Variants in HS3ST4 observed in about 807,000 individuals in gnomAD.
HS3ST4 encodes the protein heparan sulfate-glucosamine 3-sulfotransferase 4.
In HS3ST4, 17 loss-of-function variants were observed where a neutral mutation model predicts 29.2. The ratio of observed to expected loss-of-function variants is 0.58; its 90% CI spans 0.40 to 0.87. The LOEUF (loss-of-function observed/expected upper bound fraction) is 0.87. HS3ST4 is among the 40% of genes least tolerant of loss of function. The probability of loss-of-function intolerance (pLI) is 0.00; values close to 1 mark genes in which losing one functional copy is unlikely to be tolerated. For missense variants in HS3ST4, 627 were observed against 634.5 expected, an observed-to-expected ratio of 0.99 and a Z score of 0.13; for synonymous variants, 314 against 285.7, an observed-to-expected ratio of 1.10 and a Z score of -1.00.
chr16:25,763,412 A>G (rs1966800620), intron 1 of HS3ST4, among the ~76,000 whole-genome samples: 1 of 152,338 alleles, frequency 6.6e-6, no homozygotes, highest in South Asian at 2.1e-4. Flanking sequence ...TTGCAAAAGT[A>G]AACACAAGCA....
Position 25,783,696 on chromosome 16 carries a change from A to G in HS3ST4, c.734+90545A>G, listed in dbSNP as rs957401644. On this transcript the variant is annotated intron_variant, in intron 1 of 1. Transcript: ENST00000331351. The stretch of plus-strand genomic sequence containing the variant: ...TGTTTCTGAACTTTTTTATTGTGGT[A>G]AAATATACAAAACATTAAATTTACC... Among the ~76,000 whole-genome samples the G allele has an allele frequency of 5.3e-5, 8 of 152,304 alleles. No homozygotes were observed. The South Asian group carries it at 1.2e-3, about 24-fold the overall frequency.
At chr16:26,050,641 T>G (rs1171902869) in intron 1 of HS3ST4, among the ~76,000 whole-genome samples, 2 of 152,102 alleles carry the variant, frequency 1.3e-5, no homozygotes, top group Non-Finnish European at 2.9e-5. Context: ...TCCGCACCAC[T>G]CACTAACCAG....
intron 1 of HS3ST4, among the ~76,000 whole-genome samples, chr16:26,055,766 T>A (rs997379643): frequency 6.6e-6 from 1 of 152,148 alleles, no homozygotes; most frequent in African/African-American, 2.4e-5. Flanking sequence ...TCTTAAGTGT[T>A]TTTGGGATGA....
intron 1 of HS3ST4, among the ~76,000 whole-genome samples, chr16:25,915,171 G>A (rs959163423): frequency 6.6e-6 from 1 of 152,196 alleles, no homozygotes; most frequent in Non-Finnish European, 1.5e-5. Context: ...GCTCTACGAC[G>A]TGCTTCATTC....
At chr16:25,996,790 T>C (rs1178087952) in intron 1 of HS3ST4, among the ~76,000 whole-genome samples, 1 of 152,196 alleles carries the variant, frequency 6.6e-6, no homozygotes, top group Non-Finnish European at 1.5e-5. Flanking sequence ...AACAAAAATT[T>C]GGGATCCTAT....
intron 1 of HS3ST4, among the ~76,000 whole-genome samples, chr16:26,024,897 G>T (rs1039450901): frequency 6.6e-6 from 1 of 152,174 alleles, no homozygotes; most frequent in African/African-American, 2.4e-5. Context: ...CCAAAAGCTG[G>T]ATTATCTAAG....
chr16:26,050,001 C>T (rs1016137842), intron 1 of HS3ST4, among the ~76,000 whole-genome samples: 2 of 152,168 alleles, frequency 1.3e-5, no homozygotes, highest in African/African-American at 4.8e-5. Context: ...CCCCCTGAAC[C>T]CTGCCCTTTG....
chr16:26,003,038 G>A (rs544622217), intron 1 of HS3ST4, among the ~76,000 whole-genome samples: 1 of 151,872 alleles, frequency 6.6e-6, no homozygotes, highest in African/African-American at 2.4e-5. Context: ...GACACGCTTG[G>A]CAGGTTCCCA....
chr16:25,870,494 T>C (rs1318011988), intron 1 of HS3ST4, among the ~76,000 whole-genome samples: 1 of 152,076 alleles, frequency 6.6e-6, no homozygotes, highest in Non-Finnish European at 1.5e-5. Flanking sequence ...AAAAACTGTA[T>C]AGACAGAAGG....
intron 1 of HS3ST4, among the ~76,000 whole-genome samples, chr16:26,066,522 C>CT: frequency 6.6e-6 from 1 of 152,296 alleles, no homozygotes; most frequent in East Asian, 1.9e-4. Context: ...CTTCCTTCTT[C>CT]TTTCCTTCTC....
At chr16:26,074,487 C>G (rs1234537719) in intron 1 of HS3ST4, among the ~76,000 whole-genome samples, 1 of 152,150 alleles carries the variant, frequency 6.6e-6, no homozygotes, top group African/African-American at 2.4e-5. Flanking sequence ...CATCCTTCTT[C>G]CTGTTCGAAT....
At chr16:25,711,670 A>T (rs530097442) in intron 1 of HS3ST4, among the ~76,000 whole-genome samples, 1 of 152,338 alleles carries the variant, frequency 6.6e-6, no homozygotes, top group African/African-American at 2.4e-5. Context: ...GAATTTTAGT[A>T]GTAACATCAC....
chr16:26,036,290 G>C (rs1360298962), intron 1 of HS3ST4, among the ~76,000 whole-genome samples: 4 of 152,210 alleles, frequency 2.6e-5, no homozygotes, highest in Non-Finnish European at 4.4e-5. Context: ...GGGGGAAGCT[G>C]GGGCTGACAG....
intron 1 of HS3ST4, among the ~76,000 whole-genome samples, chr16:25,971,728 A>G (rs1418516465): frequency 6.6e-6 from 1 of 152,192 alleles, no homozygotes; most frequent in African/African-American, 2.4e-5. Flanking sequence ...GTTCGAGACC[A>G]GCCTGGCCAA....
chr16:26,008,423 C>G (rs1969278008), intron 1 of HS3ST4, among the ~76,000 whole-genome samples: 1 of 152,206 alleles, frequency 6.6e-6, no homozygotes, highest in Non-Finnish European at 1.5e-5. Context: ...GAAGGGTACC[C>G]CTCCCAGAGG....
At chr16:25,828,236 T>TTTTCTGTCTG (rs1555467545) in intron 1 of HS3ST4, among the ~76,000 whole-genome samples, 2 of 81,668 alleles carry the variant, frequency 2.4e-5, no homozygotes, top group African/African-American at 6.2e-5. Flanking sequence ...CTTTCTTTCT[T>TTTTCTGTCTG]TCTTTCTCTT....
intron 1 of HS3ST4, among the ~76,000 whole-genome samples, chr16:26,074,340 G>A (rs1353672684): frequency 2.0e-5 from 3 of 152,056 alleles, no homozygotes; most frequent in Admixed American, 6.5e-5. Context: ...TATGTTTCCA[G>A]CCATCTTTGC....
At chr16:25,762,924 C>CTTCT (rs1966797979) in intron 1 of HS3ST4, among the ~76,000 whole-genome samples, 2 of 147,904 alleles carry the variant, frequency 1.4e-5, no homozygotes, top group African/African-American at 5.0e-5. Flanking sequence ...AATGCTCAAC[C>CTTCT]AGAAGGGCCA....
intron 1 of HS3ST4, among the ~76,000 whole-genome samples, chr16:26,030,752 T>C (rs1443546478): frequency 6.6e-6 from 1 of 152,192 alleles, no homozygotes; most frequent in African/African-American, 2.4e-5. Flanking sequence ...AGAATAAATA[T>C]GGTCTTGGGT....
Sources: gnomAD v4.1 joint callset for allele counts (sites outside exome capture counted in the v4.1 genomes callset) on GRCh38, gnomAD v4.1.1 for gene constraint, MANE v1.5 for transcripts, NCBI Gene and HGNC (gene_info 2026-07-23, HGNC 2026-07-21) for gene names.